GRIK2: variants seen among roughly 807,000 people sequenced by gnomAD.
GRIK2 encodes glutamate ionotropic receptor kainate type subunit 2.
Under a neutral mutation model 100.3 loss-of-function variants are expected in GRIK2, and 32 were observed. That is an observed-to-expected ratio of 0.32 (90% confidence interval 0.24 to 0.43). GRIK2 has a LOEUF of 0.43. GRIK2 is among the 20% of genes least tolerant of loss of function. The pLI is 1.00. For missense variants in GRIK2, 843 were observed against 1,114.9 expected (o/e 0.76, Z 3.47); for synonymous variants, 417 against 389.4 (o/e 1.07, Z -0.83).
chr6:101,909,656 G>T (rs1578294), intron 12 of GRIK2, among the ~76,000 whole-genome samples: 123,645 of 150,322 alleles, frequency 0.82, 50,930 homozygotes, highest in East Asian at 0.94. Context: ...AGCATCCTTG[G>T]GAAATGCATA....
chr6:101,515,270 TAC>T (rs1172837652), intron 2 of GRIK2, among the ~76,000 whole-genome samples: 1 of 152,140 alleles, frequency 6.6e-6, no homozygotes, highest in African/African-American at 2.4e-5. Context: ...CAAATATTTA[TAC>T]ACACACACAT....
chr6:101,868,610 A>G (rs761500917), intron 11 of GRIK2, among the ~76,000 whole-genome samples: 21 of 151,874 alleles, frequency 1.4e-4, no homozygotes, highest in Non-Finnish European at 2.5e-4. Flanking sequence ...TTTAGAGCAT[A>G]GAGCAAATCT....
At chr6:101,589,194 A>T (rs989785289) in intron 2 of GRIK2, among the ~76,000 whole-genome samples, 1 of 152,124 alleles carries the variant, frequency 6.6e-6, no homozygotes, top group Non-Finnish European at 1.5e-5. Context: ...AAATCAACAG[A>T]TAACTTTGTA....
At chr6:101,599,546 C>T (rs966163960) in intron 2 of GRIK2, among the ~76,000 whole-genome samples, 3 of 151,610 alleles carry the variant, frequency 2.0e-5, no homozygotes, top group Non-Finnish European at 3.0e-5. Context: ...AATGTATACA[C>T]GTTCCCCTTT....
intron 2 of GRIK2, among the ~76,000 whole-genome samples, chr6:101,609,765 T>C (rs1457512154): frequency 6.6e-6 from 1 of 151,582 alleles, no homozygotes; most frequent in Non-Finnish European, 1.5e-5. Context: ...TCAAAGAGTT[T>C]TCAGAGGAAC....
chr6:101,782,097 T>C (rs184190969), intron 7 of GRIK2, among the ~76,000 whole-genome samples: 2 of 152,342 alleles, frequency 1.3e-5, no homozygotes, highest in East Asian at 3.9e-4. Flanking sequence ...GCATTTGTAA[T>C]GATCAAGTCA....
chr6:101,682,524 T>C, intron 5 of GRIK2, 29 bp from the exon 6 acceptor site: 3 of 963,086 alleles, frequency 3.1e-6, no homozygotes, highest in Middle Eastern at 4.2e-4. Context: ...CTGAAATATG[T>C]ACCTTCAGTA....
intron 14 of GRIK2, among the ~76,000 whole-genome samples, chr6:101,955,215 G>A (rs963213316): frequency 6.6e-6 from 1 of 152,000 alleles, no homozygotes; most frequent in African/African-American, 2.4e-5. Flanking sequence ...TGGCCTCATG[G>A]AGTGAGTTGG....
chr6:101,672,399 C>G (rs2128338403), intron 4 of GRIK2, among the ~76,000 whole-genome samples: 1 of 152,236 alleles, frequency 6.6e-6, no homozygotes, highest in South Asian at 2.1e-4. Flanking sequence ...TCAGAAACTT[C>G]CCAGACTCTG....
intron 4 of GRIK2, among the ~76,000 whole-genome samples, chr6:101,665,619 G>T (rs572120198): frequency 2.0e-5 from 3 of 152,246 alleles, no homozygotes; most frequent in South Asian, 4.1e-4. Context: ...AACCTTAAAG[G>T]TTATGAATTG....
At chr6:101,796,677 C>A (rs915701863) in intron 7 of GRIK2, among the ~76,000 whole-genome samples, 1 of 151,992 alleles carries the variant, frequency 6.6e-6, no homozygotes, top group Admixed American at 6.6e-5. Context: ...GTTTGATCAG[C>A]GACTTTTAGA....
At chr6:101,862,269 G>T (rs957643101) in intron 11 of GRIK2, among the ~76,000 whole-genome samples, 4 of 151,982 alleles carry the variant, frequency 2.6e-5, no homozygotes, top group African/African-American at 9.7e-5. Flanking sequence ...CGATTCCCAA[G>T]AATTTTTAAC....
intron 7 of GRIK2, among the ~76,000 whole-genome samples, chr6:101,691,274 A>G (rs1313227554): frequency 6.6e-6 from 1 of 151,852 alleles, no homozygotes; most frequent in Non-Finnish European, 1.5e-5. Context: ...GCTAGTCTCA[A>G]TGACAGAAGC....
intron 2 of GRIK2, among the ~76,000 whole-genome samples, chr6:101,418,030 C>T (rs145811108): frequency 1.3e-5 from 2 of 152,190 alleles, no homozygotes; most frequent in Non-Finnish European, 2.9e-5. Context: ...TGTTTATTGA[C>T]TACTAGCGTC....
chr6:101,634,908 G>A (rs1030156876), intron 4 of GRIK2, among the ~76,000 whole-genome samples: 4 of 151,910 alleles, frequency 2.6e-5, no homozygotes, highest in African/African-American at 9.7e-5. Flanking sequence ...ACATTTTTGT[G>A]TGCTTTTGGA....
chr6:101,939,829 G>C (rs190149580), intron 14 of GRIK2, among the ~76,000 whole-genome samples: 25 of 152,188 alleles, frequency 1.6e-4, no homozygotes, highest in African/African-American at 5.8e-4. Flanking sequence ...GAGGGACTTA[G>C]GATTCCATAT....
chr6:101,715,069 C>CA lies in GRIK2; in HGVS notation c.951+28725dup, dbSNP rs201258054. Among the ~76,000 whole-genome samples the CA allele has an allele frequency of 7.2e-3, 1,071 of 149,174 alleles. 14 individuals carry two copies. Among genetic ancestry groups the CA allele is most frequent in the African/African-American group, 0.023 (942 of 40,768 alleles). ...AGAAAAGGAACCATATAAAATACCA[C>CA]AAAAAAAAATATAGGCTTTGCCTGA... On this transcript the variant is annotated intron_variant, in intron 7 of 16. Transcript: ENST00000369134.
At chr6:101,652,147 A>C (rs1344923737) in intron 4 of GRIK2, among the ~76,000 whole-genome samples, 1 of 152,132 alleles carries the variant, frequency 6.6e-6, no homozygotes, top group Non-Finnish European at 1.5e-5. Context: ...CTTAAGTGAG[A>C]ATGCAAGGTG....
intron 2 of GRIK2, among the ~76,000 whole-genome samples, chr6:101,580,567 A>T (rs534501227): frequency 1.4e-4 from 21 of 152,248 alleles, no homozygotes; most frequent in African/African-American, 4.8e-4. Flanking sequence ...TGAACACAAT[A>T]TTCAAAGTGA....
Sources: allele counts gnomAD v4.1 joint callset (sites outside exome capture counted in the v4.1 genomes callset), GRCh38; gene constraint gnomAD v4.1.1; transcripts MANE v1.5; gene names NCBI Gene and HGNC (gene_info 2026-07-23, HGNC 2026-07-21).